The following BMPR2 variants were observed in gnomAD, a reference collection of about 807,000 sequenced individuals.
BMPR2 encodes bone morphogenetic protein receptor type-2.
Under a neutral mutation model 100.8 loss-of-function variants are expected in BMPR2, and 29 were observed. The observed-to-expected ratio is 0.29, with a 90% confidence interval of 0.21 to 0.39. The LOEUF is 0.39. Ranked by LOEUF, BMPR2 falls within the 10% of genes least tolerant of loss-of-function variation. BMPR2 has a pLI of 1.00. For synonymous variants in BMPR2, 382 were observed against 442.3 expected (o/e 0.86, Z 1.71); for missense variants, 1,011 against 1,274.5 (o/e 0.79, Z 3.15).
chr2:202,488,000 G>A (rs1692814791), intron 3 of BMPR2, among the ~76,000 whole-genome samples: 1 of 152,262 alleles, frequency 6.6e-6, no homozygotes, highest in East Asian at 1.9e-4. Flanking sequence ...GTGAGCCTCC[G>A]CATGCCACTG....
chr2:202,485,231 G>T (rs1692748983), intron 3 of BMPR2, among the ~76,000 whole-genome samples: 1 of 152,018 alleles, frequency 6.6e-6, no homozygotes, highest in Non-Finnish European at 1.5e-5. Context: ...TCCTAAGTAT[G>T]ACTGGTTTTT....
At position 202,376,752 on chromosome 2, in the gene BMPR2, G is replaced by C. The variant is rs1405302662; in HGVS notation, c.-723G>C. ...CCTGCCGTCTCGGGGAGCCCGGACC[G>C]GGGCCGCGACCGCGACCCCTCCCCT... On this transcript the variant is annotated 5_prime_UTR_variant, in exon 1 of 13. Coordinates refer to ENST00000374580, the MANE Select transcript of BMPR2 (RefSeq NM_001204.7). 6.7e-6 allele frequency among the ~76,000 whole-genome samples: 1 copy of C among 150,208 alleles called. No homozygotes were observed. The highest frequency in any genetic ancestry group is 1.5e-5 in the Non-Finnish European group (1 of 67,574).
At chr2:202,442,813 A>G (rs544730622) in intron 1 of BMPR2, among the ~76,000 whole-genome samples, 3 of 150,822 alleles carry the variant, frequency 2.0e-5, no homozygotes, top group South Asian at 2.1e-4. Flanking sequence ...TCTTGTATGT[A>G]TATACCATAT....
intron 3 of BMPR2, among the ~76,000 whole-genome samples, chr2:202,494,672 A>C (rs1390467412): frequency 6.6e-6 from 1 of 152,270 alleles, no homozygotes; most frequent in Non-Finnish European, 1.5e-5. Flanking sequence ...TAGGAGAACA[A>C]GACAATTCAG....
Position 202,518,975 on chromosome 2 carries a change from C to T in BMPR2, c.775C>T (p.Arg259Cys), listed in dbSNP as rs760996563. Residue 259 changes from arginine to cysteine, a missense_variant, in exon 6 of 13, where the codon CGC (arginine) becomes TGC (cysteine). Arg to Cys is a radical substitution (Grantham distance 180). Coordinates refer to ENST00000374580, the MANE Select transcript of BMPR2 (RefSeq NM_001204.7). ...TTTGATGGAACATGACAACATTGCCCGCTTTATAGTTGGAGATGAGAGAGT... is the reference window on the plus strand; with the variant it reads ...TTTGATGGAACATGACAACATTGCCTGCTTTATAGTTGGAGATGAGAGAGT... ...VPLMEHDNIA[R>C]FIVGDERVTA... The T allele has an allele frequency of 1.5e-5, 24 of 1,614,000 alleles. No individual in the cohort carries two copies. Among genetic ancestry groups the T allele is most frequent in the Middle Eastern group, 1.6e-4 (1 of 6,084 alleles).
intron 4 of BMPR2, among the ~76,000 whole-genome samples, chr2:202,514,214 C>A (rs1384708144): frequency 6.6e-6 from 1 of 152,158 alleles, no homozygotes; most frequent in Non-Finnish European, 1.5e-5. Flanking sequence ...CGGCTCACTG[C>A]AGGCTCCGCC....
intron 10 of BMPR2, among the ~76,000 whole-genome samples, chr2:202,544,884 C>T (rs1227983000): frequency 1.4e-5 from 2 of 145,706 alleles, no homozygotes; most frequent in Non-Finnish European, 3.0e-5. Flanking sequence ...CCTTCTTCAT[C>T]TTCCTGAGTA....
At chr2:202,413,515 A>G (rs1374922864) in intron 1 of BMPR2, among the ~76,000 whole-genome samples, 1 of 152,170 alleles carries the variant, frequency 6.6e-6, no homozygotes, top group Non-Finnish European at 1.5e-5. Flanking sequence ...CTAACCTTGT[A>G]TTTCTCCTAG....
At chr2:202,433,348 C>T (rs1311088824) in intron 1 of BMPR2, among the ~76,000 whole-genome samples, 1 of 150,502 alleles carries the variant, frequency 6.6e-6, no homozygotes, top group Non-Finnish European at 1.5e-5. Context: ...TATGAAAAAA[C>T]TCTGCATGTT....
chr2:202,544,257 T>A (rs986866904), intron 10 of BMPR2, among the ~76,000 whole-genome samples: 7 of 152,244 alleles, frequency 4.6e-5, no homozygotes, highest in African/African-American at 1.7e-4. Flanking sequence ...AAAAATCTCA[T>A]GTCATTCTCT....
intron 7 of BMPR2, among the ~76,000 whole-genome samples, chr2:202,525,465 G>A (rs1687892396): frequency 6.6e-6 from 1 of 152,014 alleles, no homozygotes; most frequent in Admixed American, 6.6e-5. Context: ...CCAAAGTGCT[G>A]GGATTACAGG....
Position 202,479,846 on chromosome 2 carries a change from C to T in BMPR2, c.418+12157C>T, listed in dbSNP as rs76272442. On this transcript the variant is annotated intron_variant, in intron 3 of 12. Transcript: ENST00000374580. ...TCATTATGGTTTTGGTTTTCATTTC[C>T]GTAATGAATAATGGTGATGAGCATC... Among the ~76,000 whole-genome samples the T allele has an allele frequency of 3.7e-4, 56 of 152,030 alleles. No individual in the cohort carries two copies. In the East Asian group the frequency reaches 9.6e-3, roughly 26 times the overall value.
chr2:202,386,783 T>C (rs6435148), intron 1 of BMPR2, among the ~76,000 whole-genome samples: 76,279 of 151,574 alleles, frequency 0.5, 19,780 homozygotes, highest in African/African-American at 0.61. Context: ...CGGATTCAAG[T>C]GATTCTCCTG....
In BMPR2 at chr2:202,565,855, C is replaced by A. The variant is rs940557986; in HGVS notation, c.*5909C>A. 4 of 152,084 alleles carry A rather than the reference C, an allele frequency of 2.6e-5. No individual in the cohort carries two copies. Among genetic ancestry groups the A allele is most frequent in the African/African-American group, 7.2e-5 (3 of 41,418 alleles). 9.4% of individuals were successfully genotyped at this position (152,084 alleles called of 1,614,324 possible). On this transcript the variant is annotated 3_prime_UTR_variant, in exon 13 of 13. Coordinates refer to ENST00000374580, the MANE Select transcript of BMPR2 (RefSeq NM_001204.7). ...GTTGAGTGTGCATATAGAGAAAAACCTAGAAATTTATCTCATGGCAGATAC... is the reference window on the plus strand; with the variant it reads ...GTTGAGTGTGCATATAGAGAAAAACATAGAAATTTATCTCATGGCAGATAC...
At chr2:202,533,822 CAAAA>C (rs1387277255) in intron 9 of BMPR2, among the ~76,000 whole-genome samples, 1 of 151,726 alleles carries the variant, frequency 6.6e-6, no homozygotes, top group African/African-American at 2.4e-5. Context: ...GACTCCGTCT[CAAAA>C]AAAGGGAAAG....
intron 3 of BMPR2, among the ~76,000 whole-genome samples, chr2:202,469,898 C>T (rs997348143): frequency 2.0e-5 from 3 of 152,112 alleles, no homozygotes; most frequent in Admixed American, 6.5e-5. Flanking sequence ...TTTATAAGCA[C>T]AGTATTTGAC....
chr2:202,385,308 C>T (rs1352858060), intron 1 of BMPR2, among the ~76,000 whole-genome samples: 1 of 146,274 alleles, frequency 6.8e-6, no homozygotes, highest in African/African-American at 2.5e-5. Flanking sequence ...AATCTTCACA[C>T]AACCCTAACA....
chr2:202,557,577 GA>G (rs756218274), intron 12 of BMPR2, among the ~76,000 whole-genome samples: 5 of 151,772 alleles, frequency 3.3e-5, no homozygotes, highest in Non-Finnish European at 5.9e-5. Flanking sequence ...TGAGGCAGGA[GA>G]ATCGCCTTAA....
Position 202,556,509 on chromosome 2 carries a change from C to T in BMPR2, c.2844C>T (p.Val948=). The T allele has an allele frequency of 6.2e-7, 1 of 1,613,534 alleles. No individual in the cohort carries two copies. The highest frequency in any genetic ancestry group is 8.5e-7 in the Non-Finnish European group (1 of 1,180,032). ...PNSLDLSATN[V]LDGSSIQIGE... is the part of the protein sequence containing the mutation. ...CTCTGGATCTTTCAGCCACAAATGTCCTGGATGGCAGCAGTATACAGAGTA... is the reference window on the plus strand; with the variant it reads ...CTCTGGATCTTTCAGCCACAAATGTTCTGGATGGCAGCAGTATACAGAGTA... Residue 948 remains valine (V), a synonymous_variant, in exon 12 of 13, where the codon GTC becomes GTT. Transcript: ENST00000374580.
Sources: allele counts gnomAD v4.1 joint callset (sites outside exome capture counted in the v4.1 genomes callset), GRCh38; gene constraint gnomAD v4.1.1; transcripts MANE v1.5; gene names NCBI Gene and HGNC (gene_info 2026-07-23, HGNC 2026-07-21).